Variants in MED24 observed in about 807,000 individuals in gnomAD.
MED24 encodes mediator of RNA polymerase II transcription subunit 24.
In MED24, 74 loss-of-function variants were observed where a neutral mutation model predicts 118.8. The observed-to-expected ratio is 0.62, with a 90% CI of 0.52 to 0.76. The LOEUF is 0.76. Among genes scored for constraint, MED24 ranks in the 30% least tolerant of loss-of-function variants. The pLI, the probability that MED24 is intolerant of heterozygous loss-of-function variation, is 0.00. For missense variants in MED24, 1,041 were observed against 1,278.9 expected, an observed-to-expected ratio of 0.81 and a Z score of 2.84; for synonymous variants, 521 against 523.9, an observed-to-expected ratio of 0.99 and a Z score of 0.08.
chr17:40,020,105 G>GCCCC, intron 24 of MED24, 168 bp downstream of exon 24: 12 of 716,032 alleles, frequency 1.7e-5, no homozygotes, highest in Non-Finnish European at 2.3e-5. Flanking sequence ...GGAGGAGGGG[G>GCCCC]AACTAGACAG....
chr17:40,046,892 C>G (rs1362324517), intron 3 of MED24, among the ~76,000 whole-genome samples: 3 of 151,980 alleles, frequency 2.0e-5, no homozygotes, highest in African/African-American at 7.2e-5. Context: ...CCCGTCCCTA[C>G]AAAAATGTAA....
intron 12 of MED24, 84 bp downstream of exon 12, chr17:40,031,075 A>G: frequency 5.2e-6 from 7 of 1,335,126 alleles, no homozygotes; most frequent in Non-Finnish European, 6.3e-6. Flanking sequence ...TTTCGACAGG[A>G]GGTTGAAAGG....
At position 40,040,428 on chromosome 17, in the gene MED24, G is replaced by A. The variant is rs970259722; in HGVS notation, c.214-4274C>T. Among the ~76,000 whole-genome samples the A allele has an allele frequency of 4.0e-5, 6 of 151,880 alleles. No individual in the cohort carries two copies. In the South Asian group the frequency reaches 1.2e-3, roughly 32 times the overall value. On this transcript the variant is annotated intron_variant, in intron 3 of 25. Coordinates refer to ENST00000394128, the MANE Select transcript of MED24 (RefSeq NM_014815.4). ...ATGGGGTTTTGCCGTGTTGTCAAGG[G>A]TGGTCTCAAATTCCTGGTCAAGTGA...
chr17:40,022,172 CCT>C (rs1982101539), intron 22 of MED24, 118 bp from the exon 23 acceptor site: 1 of 928,234 alleles, frequency 1.1e-6, no homozygotes, highest in Admixed American at 2.7e-5. Context: ...GGCCTCAGCC[CCT>C]CTCTGCTCAA....
intron 15 of MED24, 88 bp from the exon 16 acceptor site, chr17:40,027,553 G>T: frequency 7.7e-7 from 1 of 1,295,888 alleles, no homozygotes; most frequent in Non-Finnish European, 1.1e-6. Context: ...TTGCCTCTAG[G>T]AAGGTCAGGG....
intron 3 of MED24, among the ~76,000 whole-genome samples, chr17:40,048,869 T>G (rs1002038485): frequency 6.6e-6 from 1 of 152,146 alleles, no homozygotes. Context: ...ATATATATGT[T>G]TTAATATTTG....
In MED24 at chr17:40,029,867, C is replaced by T. The variant is rs374158211; in HGVS notation, c.1155-8G>A. On this transcript the variant is annotated splice_region_variant and splice_polypyrimidine_tract_variant and intron_variant, in intron 12 of 25. Coordinates refer to ENST00000394128, the MANE Select transcript of MED24 (RefSeq NM_014815.4). Reference sequence around the variant, plus strand: ...TGCTCTCGGTCCGCTTTGCTGTGGACATCACCAGTTGGCCAAGGAAGGGAA... The same window carrying T: ...TGCTCTCGGTCCGCTTTGCTGTGGATATCACCAGTTGGCCAAGGAAGGGAA... The T allele has an allele frequency of 1.7e-5, 27 of 1,613,244 alleles. No homozygotes were observed. The highest frequency in any genetic ancestry group is 2.2e-5 in the Non-Finnish European group (26 of 1,179,360).
chr17:40,049,768 G>A (rs915861091), intron 3 of MED24, among the ~76,000 whole-genome samples: 4 of 151,526 alleles, frequency 2.6e-5, no homozygotes, highest in Non-Finnish European at 4.4e-5. Context: ...CTCGTGATCC[G>A]CCCACCTCGG....
chr17:40,025,057 C>A (rs953693603), intron 19 of MED24, among the ~76,000 whole-genome samples: 3 of 152,146 alleles, frequency 2.0e-5, no homozygotes, highest in African/African-American at 7.2e-5. Flanking sequence ...ATTATTCAGC[C>A]TTAAAAAGGA....
Position 40,032,086 on chromosome 17 carries a change from G to A in MED24, c.941C>T (p.Pro314Leu). The A allele has an allele frequency of 1.9e-6, 3 of 1,613,414 alleles. No homozygotes were observed. Among genetic ancestry groups the A allele is most frequent in the Non-Finnish European group, 2.5e-6 (3 of 1,179,702 alleles). ...KWTAFTFLKI[P>L]QVLVKLKKYS... ...CTTCTTCAACTTCACCAAAACCTGTGGAATCTAGGGGGTGAGGCAGGGGGA... is the reference window on the plus strand; with the variant it reads ...CTTCTTCAACTTCACCAAAACCTGTAGAATCTAGGGGGTGAGGCAGGGGGA... The change falls in exon 10 of 26, where the codon CCA (proline) becomes CTA (leucine). Residue 314 changes from proline to leucine, a missense_variant. Coordinates refer to ENST00000394128, the MANE Select transcript of MED24 (RefSeq NM_014815.4).
In MED24 at chr17:40,022,766, T is replaced by C. The variant is rs1169666802; in HGVS notation, c.2311A>G (p.Ile771Val). 16 of 1,613,810 alleles carry C rather than the reference T, an allele frequency of 9.9e-6. No homozygotes were observed. The highest frequency in any genetic ancestry group is 8.9e-5 in the East Asian group (4 of 44,834). Residue 771 changes from isoleucine to valine, a missense_variant, in exon 21 of 26, where the codon ATC becomes GTC. By Grantham distance (29) the Ile-to-Val change is conservative. Transcript: ENST00000394128. ...TLRAVELLYSIFCLDMQQVTL... is the reference protein window; with the variant it reads ...TLRAVELLYSVFCLDMQQVTL... ...ACTTGCTGCATGTCCAGGCAGAAGA[T>C]GGAGTAGAGCAGCTCCACTGCCCGC... is the stretch of plus-strand genomic sequence containing the variant.
rs1983870187 is a variant in MED24, at chr17:40,035,793, A to T, written c.255T>A (p.Phe85Leu). Residue 85 changes from phenylalanine (F) to leucine (L), a missense_variant and splice_region_variant, in exon 5 of 26, where the codon TTT becomes TTA. By Grantham distance (22) the Phe-to-Leu change is conservative. Around this residue, in one of 3 missense-constraint regions of MED24, gnomAD observed 434 missense variants for 514.9 expected, o/e 0.84. Transcript: ENST00000394128. ...CACACAGGTCCCGAGAAAAGTCATC[A>T]AACTGTGGAAAGGACAGTGGAGATG... ...YSSVLTAISK[F>L]DDFSRDLCVQ... 3 of 1,613,724 alleles carry T rather than the reference A, an allele frequency of 1.9e-6. No individual in the cohort carries two copies. Among genetic ancestry groups the T allele is most frequent in the African/African-American group, 2.7e-5 (2 of 74,912 alleles).
At chr17:40,053,674 G>A in intron 1 of MED24, 39 bp from the exon 2 acceptor site, 1 of 1,610,406 alleles carries the variant, frequency 6.2e-7, no homozygotes, top group South Asian at 1.1e-5. Flanking sequence ...AAAAGGACAT[G>A]AGGTTCTAAG....
chr17:40,043,903 A>AAAAAAAAAAAAAAAAAAAAAAAAAAC (rs1984850186), intron 3 of MED24, among the ~76,000 whole-genome samples: 1 of 150,848 alleles, frequency 6.6e-6, no homozygotes, highest in African/African-American at 2.4e-5. Flanking sequence ...AAAAAAAAAA[A>AAAAAAAAAAAAAAAAAAAAAAAAAAC]ACAAAGATTT....
At chr17:40,026,574 C>T (rs144413662) in intron 18 of MED24, 73 bp downstream of exon 18, 66 of 1,412,432 alleles carry the variant, frequency 4.7e-5, no homozygotes, top group Non-Finnish European at 5.6e-5. Flanking sequence ...CTTGCCCTTA[C>T]GAAATATAAC....
Position 40,027,374 on chromosome 17 carries a change from C to T in MED24, c.1530+9G>A, listed in dbSNP as rs752074415. On this transcript the variant is annotated intron_variant, in intron 16 of 25. Coordinates refer to ENST00000394128, the MANE Select transcript of MED24 (RefSeq NM_014815.4). ...TTGAGCCCCCGTCCCGGTCGCTCCCCTCTCTCACCTCTGAACCATAGGTCT... is the reference window on the plus strand; with the variant it reads ...TTGAGCCCCCGTCCCGGTCGCTCCCTTCTCTCACCTCTGAACCATAGGTCT... 1.9e-6 allele frequency: 3 copies of T among 1,611,902 alleles called. No homozygotes were observed. The highest frequency in any genetic ancestry group is 1.7e-6 in the Non-Finnish European group (2 of 1,179,224).
intron 6 of MED24, chr17:40,034,851 G>GCCCCCCCCCCCCCCCCCCCCC: frequency 1.7e-6 from 1 of 588,822 alleles, no homozygotes; most frequent in Non-Finnish European, 2.9e-6. Flanking sequence ...TCCTTTGGTA[G>GCCCCCCCCCCCCCCCCCCCCC]CCCCCCACCC....
In MED24 at chr17:40,023,171, T is replaced by G. The variant is rs1982243564; in HGVS notation, c.2210A>C (p.His737Pro). 2 of 1,614,052 alleles carry G rather than the reference T, an allele frequency of 1.2e-6. No individual in the cohort carries two copies. The highest frequency in any genetic ancestry group is 1.1e-5 in the South Asian group (1 of 91,092). ...RSIHIFDTLLHMGGVYWFCNN... is the reference protein window; with the variant it reads ...RSIHIFDTLLPMGGVYWFCNN... ...GCAGAACCAGTAGACGCCGCCCATG[T>G]GCAGCAGGGTGTCAAAGATGTGGAT... The change falls in exon 20 of 26, where the codon CAC becomes CCC. Residue 737 changes from histidine to proline, a missense_variant. Physicochemically the swap from His to Pro is moderately conservative, Grantham distance 77. Around this residue, in one of 3 missense-constraint regions of MED24, gnomAD observed 587 missense variants for 694.4 expected, o/e 0.85. Transcript: ENST00000394128.
intron 13 of MED24, 36 bp from the exon 14 acceptor site, chr17:40,029,004 A>G: frequency 6.2e-7 from 1 of 1,613,842 alleles, no homozygotes; most frequent in Non-Finnish European, 8.5e-7. Context: ...CCTGAAGAAC[A>G]CTGAAGACCC....
Sources: gnomAD v4.1 joint callset for allele counts (sites outside exome capture counted in the v4.1 genomes callset) on GRCh38, gnomAD v4.1.1 for gene constraint, gnomAD v4.1.1 regional missense constraint, MANE v1.5 for transcripts, NCBI Gene and HGNC (gene_info 2026-07-23, HGNC 2026-07-21) for gene names.